Variants in PDE8A observed in about 807,000 individuals in gnomAD.
PDE8A encodes high affinity cAMP-specific and IBMX-insensitive 3',5'-cyclic phosphodiesterase 8A.
Under a neutral mutation model 105.0 loss-of-function variants are expected in PDE8A, and 59 were observed. That is an observed-to-expected ratio of 0.56 (90% CI 0.46 to 0.70). PDE8A has a LOEUF of 0.70. Among genes scored for constraint, PDE8A ranks in the 30% least tolerant of loss-of-function variants. The probability of loss-of-function intolerance (pLI) is 0.00; values close to 1 mark genes in which losing one functional copy is unlikely to be tolerated. For synonymous variants in PDE8A, 355 were observed against 371.9 expected, an observed-to-expected ratio of 0.95 and a Z score of 0.52; for missense variants, 1,014 against 1,045.9, an observed-to-expected ratio of 0.97 and a Z score of 0.42.
intron 1 of PDE8A, among the ~76,000 whole-genome samples, chr15:85,031,369 C>T (rs1462109056): frequency 6.6e-6 from 1 of 152,160 alleles, no homozygotes; most frequent in Admixed American, 6.5e-5. Flanking sequence ...TTGGGATTAG[C>T]ATCATCTGTG....
At chr15:85,041,913 A>G (rs1275558079) in intron 1 of PDE8A, among the ~76,000 whole-genome samples, 1 of 152,180 alleles carries the variant, frequency 6.6e-6, no homozygotes, top group Non-Finnish European at 1.5e-5. Context: ...CCTTTACTAT[A>G]TACTTACCTC....
intron 1 of PDE8A, among the ~76,000 whole-genome samples, chr15:85,044,601 T>A (rs1012508718): frequency 6.6e-6 from 1 of 152,212 alleles, no homozygotes; most frequent in African/African-American, 2.4e-5. Context: ...AATCAGTGGA[T>A]CTTAGTGATG....
intron 1 of PDE8A, among the ~76,000 whole-genome samples, chr15:84,994,789 C>G (rs1268159020): frequency 6.6e-6 from 1 of 151,888 alleles, no homozygotes; most frequent in Non-Finnish European, 1.5e-5. Context: ...ATGGTGAAAC[C>G]CTGTCTCTAC....
chr15:85,094,689 C>G (rs2081712136), intron 8 of PDE8A, among the ~76,000 whole-genome samples: 1 of 152,140 alleles, frequency 6.6e-6, no homozygotes, highest in Non-Finnish European at 1.5e-5. Flanking sequence ...CCCGTTGGTC[C>G]CCTCCATCAA....
rs2082209203 is a variant in PDE8A, at chr15:85,123,245, T to A, written c.2085+52T>A. 2.5e-6 allele frequency: 4 copies of A among 1,584,366 alleles called. No homozygotes were observed. The East Asian group carries it at 9.0e-5, about 35-fold the overall frequency. On this transcript the variant is annotated intron_variant, in intron 19 of 21. Coordinates refer to ENST00000394553, the MANE Select transcript of PDE8A (RefSeq NM_002605.3). Reference sequence around the variant, plus strand: ...CCTGTGTTTGGGGTCCTTGTACTGTTGTGTTATGGAGACACATGGGCTATG... The same window carrying A: ...CCTGTGTTTGGGGTCCTTGTACTGTAGTGTTATGGAGACACATGGGCTATG...
At chr15:84,989,547 G>C (rs2079853789) in intron 1 of PDE8A, among the ~76,000 whole-genome samples, 1 of 152,214 alleles carries the variant, frequency 6.6e-6, no homozygotes, top group African/African-American at 2.4e-5. Context: ...ACTATAGGAG[G>C]AGGAGCCAGA....
chr15:85,053,518 C>T (rs1249234419), intron 1 of PDE8A, among the ~76,000 whole-genome samples: 1 of 152,124 alleles, frequency 6.6e-6, no homozygotes, highest in African/African-American at 2.4e-5. Context: ...TTGTAGTTCT[C>T]CTTGAAGAGG....
intron 2 of PDE8A, among the ~76,000 whole-genome samples, chr15:85,066,504 C>CA (rs2081227298): frequency 6.6e-6 from 1 of 151,520 alleles, no homozygotes; most frequent in Admixed American, 6.6e-5. Context: ...GTGGAGGTTG[C>CA]AGTGAGCTGA....
intron 1 of PDE8A, among the ~76,000 whole-genome samples, chr15:85,054,213 A>G (rs1270314410): frequency 6.6e-6 from 1 of 152,230 alleles, no homozygotes; most frequent in Admixed American, 6.5e-5. Context: ...TGCTGGATTC[A>G]GTTTGCCAGT....
intron 2 of PDE8A, among the ~76,000 whole-genome samples, 179 bp from the exon 3 acceptor site, chr15:85,066,835 G>A (rs1428047981): frequency 2.0e-5 from 3 of 151,998 alleles, no homozygotes; most frequent in African/African-American, 7.3e-5. Context: ...CTACTCGGCA[G>A]GGCTGAGGTG....
At chr15:85,040,989 G>T (rs941484612) in intron 1 of PDE8A, among the ~76,000 whole-genome samples, 1 of 151,974 alleles carries the variant, frequency 6.6e-6, no homozygotes, top group African/African-American at 2.4e-5. Context: ...GAGAATGCTC[G>T]TAACCCCCTG....
intron 3 of PDE8A, among the ~76,000 whole-genome samples, chr15:85,068,161 C>T (rs771487602): frequency 1.3e-5 from 2 of 152,188 alleles, no homozygotes; most frequent in African/African-American, 2.4e-5. Flanking sequence ...CTGCCTCAGC[C>T]TCCCAAGTAG....
At chr15:85,094,221 G>C (rs1441343649) in intron 8 of PDE8A, among the ~76,000 whole-genome samples, 3 of 151,314 alleles carry the variant, frequency 2.0e-5, no homozygotes, top group African/African-American at 7.3e-5. Context: ...TTCTTCTTTT[G>C]TCATTTAATG....
At chr15:85,064,200 T>C in intron 1 of PDE8A, 170 bp from the exon 2 acceptor site, 1 of 528,638 alleles carries the variant, frequency 1.9e-6, no homozygotes, top group South Asian at 3.1e-5. Flanking sequence ...CTGGGGGCTA[T>C]AAGGAGATCC....
rs374195439 is a variant in PDE8A, at chr15:85,104,903, A to G, written c.1037-4150A>G. On this transcript the variant is annotated intron_variant, in intron 11 of 21. Coordinates refer to ENST00000394553, the MANE Select transcript of PDE8A (RefSeq NM_002605.3). ...ACTGAGGAGCAGGATGAATTCATTC[A>G]TTCATCATTCATCCAAACTCAGTGC... Among the ~76,000 whole-genome samples, 7 of 152,138 alleles carry G rather than the reference A, an allele frequency of 4.6e-5. No individual in the cohort carries two copies. The East Asian group carries it at 7.8e-4, about 17-fold the overall frequency.
chr15:85,046,199 C>T (rs1161521280), intron 1 of PDE8A, among the ~76,000 whole-genome samples: 2 of 151,772 alleles, frequency 1.3e-5, no homozygotes, highest in Non-Finnish European at 2.9e-5. Flanking sequence ...TTACAGGCAC[C>T]CACCACACCT....
chr15:85,064,516 T>C, intron 2 of PDE8A, 90 bp downstream of exon 2: 1 of 794,352 alleles, frequency 1.3e-6, no homozygotes, highest in Non-Finnish European at 2.2e-6. Flanking sequence ...AAAATAGTCT[T>C]TCATTTAGAT....
In PDE8A at chr15:84,996,994, A is replaced by C. The variant is rs1002857503; in HGVS notation, c.186+14646A>C. ...ACTGTAGACCTTATAAACACTGTACACTTAGGCTACACTAAATTTGTTTTA... is the reference window on the plus strand; with the variant it reads ...ACTGTAGACCTTATAAACACTGTACCCTTAGGCTACACTAAATTTGTTTTA... On this transcript the variant is annotated intron_variant, in intron 1 of 21. Coordinates refer to ENST00000394553, the MANE Select transcript of PDE8A (RefSeq NM_002605.3). Among the ~76,000 whole-genome samples, 5 of 152,264 alleles carry C rather than the reference A, an allele frequency of 3.3e-5. 1 individual carries two copies. Among genetic ancestry groups the C allele is most frequent in the Admixed American group, 6.5e-5 (1 of 15,292 alleles).
chr15:85,035,004 C>T (rs1357018891), intron 1 of PDE8A, among the ~76,000 whole-genome samples: 5 of 152,070 alleles, frequency 3.3e-5, no homozygotes, highest in Non-Finnish European at 5.9e-5. Context: ...GTAGCCTCTA[C>T]AAGGGGTAAC....
Sources: gnomAD v4.1 joint callset for allele counts (sites outside exome capture counted in the v4.1 genomes callset) on GRCh38, gnomAD v4.1.1 for gene constraint, MANE v1.5 for transcripts, NCBI Gene and HGNC (gene_info 2026-07-23, HGNC 2026-07-21) for gene names.